Variants in PPP2R5E observed in about 807,000 individuals in gnomAD.
PPP2R5E encodes protein phosphatase 2 regulatory subunit B'epsilon, also known as serine/threonine-protein phosphatase 2A 56 kDa regulatory subunit epsilon isoform.
In PPP2R5E, 4 loss-of-function variants were observed where a neutral mutation model predicts 65.3. The observed-to-expected ratio is 0.06, with a 90% CI of 0.03 to 0.14. PPP2R5E has a LOEUF of 0.14. Ranked by LOEUF, PPP2R5E falls within the 10% of genes least tolerant of loss-of-function variation. PPP2R5E has a pLI of 1.00. For missense variants in PPP2R5E, 274 were observed against 556.1 expected, an observed-to-expected ratio of 0.49 and a Z score of 5.10; for synonymous variants, 183 against 187.4, an observed-to-expected ratio of 0.98 and a Z score of 0.19.
At chr14:63,416,628 TA>T (rs1566686196) in intron 4 of PPP2R5E, among the ~76,000 whole-genome samples, 2 of 147,422 alleles carry the variant, frequency 1.4e-5, no homozygotes, top group African/African-American at 5.0e-5. Flanking sequence ...TAATCAGAAA[TA>T]AAAAGTGAAA....
At chr14:63,410,110 T>C (rs912469525) in intron 5 of PPP2R5E, among the ~76,000 whole-genome samples, 1 of 152,206 alleles carries the variant, frequency 6.6e-6, no homozygotes, top group Admixed American at 6.5e-5. Flanking sequence ...AAAGAACATA[T>C]TCAGCTGCTA....
intron 13 of PPP2R5E, among the ~76,000 whole-genome samples, chr14:63,377,328 C>A (rs1355933403): frequency 2.6e-5 from 4 of 152,056 alleles, no homozygotes; most frequent in African/African-American, 9.7e-5. Context: ...CAGGGAAATC[C>A]ACATGGGTTG....
chr14:63,528,382 G>A (rs141692263), intron 2 of PPP2R5E, among the ~76,000 whole-genome samples: 1 of 152,200 alleles, frequency 6.6e-6, no homozygotes, highest in Non-Finnish European at 1.5e-5. Context: ...CCTCAAATAC[G>A]CAGAACAGAG....
intron 2 of PPP2R5E, among the ~76,000 whole-genome samples, chr14:63,504,810 TA>T (rs150468083): frequency 9.4e-5 from 14 of 149,708 alleles, no homozygotes; most frequent in Non-Finnish European, 1.3e-4. Flanking sequence ...TAAACACTGT[TA>T]AAAAAAAAAT....
chr14:63,426,049 A>C (rs1282814489), intron 3 of PPP2R5E, among the ~76,000 whole-genome samples: 1 of 152,230 alleles, frequency 6.6e-6, no homozygotes, highest in African/African-American at 2.4e-5. Context: ...AGGAATGAGA[A>C]AGCACATGTC....
intron 3 of PPP2R5E, among the ~76,000 whole-genome samples, chr14:63,443,802 G>A (rs908189365): frequency 5.9e-5 from 9 of 152,012 alleles, no homozygotes; most frequent in African/African-American, 7.2e-5. Context: ...AAAGCTATCC[G>A]AGACTCCTTC....
At chr14:63,443,112 T>TA (rs550928787) in intron 3 of PPP2R5E, among the ~76,000 whole-genome samples, 17 of 150,142 alleles carry the variant, frequency 1.1e-4, no homozygotes, top group Non-Finnish European at 1.6e-4. Flanking sequence ...AAAGAATGTA[T>TA]AAAAAAAAAT....
At chr14:63,519,731 G>A (rs530885371) in intron 2 of PPP2R5E, among the ~76,000 whole-genome samples, 5 of 148,712 alleles carry the variant, frequency 3.4e-5, no homozygotes, top group East Asian at 2.0e-4. Flanking sequence ...GCGCAATCTC[G>A]GCTTACTGCA....
intron 2 of PPP2R5E, among the ~76,000 whole-genome samples, chr14:63,457,654 T>C (rs904588672): frequency 1.3e-5 from 2 of 152,352 alleles, no homozygotes; most frequent in East Asian, 1.9e-4. Flanking sequence ...AGGCCATCCC[T>C]GCTCCCAGGA....
chr14:63,470,158 A>T (rs1403402345), intron 2 of PPP2R5E, among the ~76,000 whole-genome samples: 1 of 151,784 alleles, frequency 6.6e-6, no homozygotes, highest in African/African-American at 2.4e-5. Flanking sequence ...TGTAGCCTCG[A>T]CCTCCCTGGC....
intron 3 of PPP2R5E, among the ~76,000 whole-genome samples, chr14:63,444,589 CA>C (rs1020125059): frequency 6.7e-6 from 1 of 149,466 alleles, no homozygotes; most frequent in African/African-American, 2.5e-5. Context: ...GAAGTATCCC[CA>C]AAAAAAACAT....
At chr14:63,531,093 G>A (rs207474912) in intron 2 of PPP2R5E, among the ~76,000 whole-genome samples, 1 of 152,114 alleles carries the variant, frequency 6.6e-6, no homozygotes, top group Non-Finnish European at 1.5e-5. Context: ...TCCTGAACTC[G>A]GGAGGCGGAG....
chr14:63,422,724 C>G (rs1343249642), intron 3 of PPP2R5E, among the ~76,000 whole-genome samples: 2 of 96,516 alleles, frequency 2.1e-5, no homozygotes, highest in African/African-American at 4.7e-5. Flanking sequence ...GAGACTCCGT[C>G]TATTTAAAAA....
intron 3 of PPP2R5E, among the ~76,000 whole-genome samples, chr14:63,450,705 T>C (rs1888775479): frequency 6.6e-6 from 1 of 151,618 alleles, no homozygotes; most frequent in African/African-American, 2.4e-5. Context: ...CACAGATATG[T>C]GCAGGACACA....
chr14:63,483,398 G>A (rs1332242532), intron 2 of PPP2R5E, among the ~76,000 whole-genome samples: 2 of 151,336 alleles, frequency 1.3e-5, no homozygotes, highest in African/African-American at 4.9e-5. Flanking sequence ...AAGAAGTAGT[G>A]ATATCTGAGC....
At chr14:63,385,789 T>A (rs1199594771) in intron 11 of PPP2R5E, among the ~76,000 whole-genome samples, 2 of 152,138 alleles carry the variant, frequency 1.3e-5, no homozygotes, top group Non-Finnish European at 2.9e-5. Flanking sequence ...GGGGCCTCAT[T>A]TCTAGGGCTT....
At chr14:63,443,014 G>A (rs540465097) in intron 3 of PPP2R5E, among the ~76,000 whole-genome samples, 2 of 152,270 alleles carry the variant, frequency 1.3e-5, no homozygotes, top group African/African-American at 4.8e-5. Flanking sequence ...GGCAGACTCT[G>A]AGAGATTTAA....
At chr14:63,522,092 C>A (rs1228713030) in intron 2 of PPP2R5E, among the ~76,000 whole-genome samples, 1 of 151,132 alleles carries the variant, frequency 6.6e-6, no homozygotes, top group African/African-American at 2.4e-5. Context: ...TGCAGGCACG[C>A]GCCGCCACGC....
chr14:63,471,681 T>G (rs1204868148), intron 2 of PPP2R5E, among the ~76,000 whole-genome samples: 1 of 152,196 alleles, frequency 6.6e-6, no homozygotes, highest in Non-Finnish European at 1.5e-5. Context: ...TTTAGCAACT[T>G]GCCCACCATC....
Sources: gnomAD v4.1 joint callset for allele counts (sites outside exome capture counted in the v4.1 genomes callset) on GRCh38, gnomAD v4.1.1 for gene constraint, MANE v1.5 for transcripts, NCBI Gene and HGNC (gene_info 2026-07-23, HGNC 2026-07-21) for gene names.